Variants in RPS6KA3 observed in about 807,000 individuals in gnomAD.
RPS6KA3 encodes ribosomal protein S6 kinase A3.
Under a neutral mutation model 67.2 loss-of-function variants are expected in RPS6KA3, and 4 were observed. That is an observed-to-expected ratio of 0.06 (90% CI 0.03 to 0.14). The LOEUF (loss-of-function observed/expected upper bound fraction) is 0.14, where lower values mean the gene tolerates loss of function less well. Among genes scored for constraint, RPS6KA3 ranks in the 10% least tolerant of loss-of-function variants. The probability of loss-of-function intolerance (pLI) is 1.00; values close to 1 mark genes in which losing one functional copy is unlikely to be tolerated. For synonymous variants in RPS6KA3, 182 were observed against 183.7 expected, an observed-to-expected ratio of 0.99 and a Z score of 0.07; for missense variants, 204 against 559.0, an observed-to-expected ratio of 0.36 and a Z score of 6.40.
At chrX:20,230,785 C>G (rs1347853161) in intron 2 of RPS6KA3, among the ~76,000 whole-genome samples, 2 of 111,206 alleles carry the variant, frequency 1.8e-5, no homozygotes, top group East Asian at 5.6e-4. Flanking sequence ...AAAGTTAACA[C>G]TCCTAAGATG....
At chrX:20,264,940 C>T (rs1423261477) in intron 1 of RPS6KA3, among the ~76,000 whole-genome samples, 1 of 112,329 alleles carries the variant, frequency 8.9e-6, no homozygotes, top group Non-Finnish European at 1.9e-5. Context: ...CTGTTTTTCA[C>T]ACTACCCATC....
At chrX:20,249,723 C>T (rs1220257470) in intron 1 of RPS6KA3, among the ~76,000 whole-genome samples, 1 of 112,182 alleles carries the variant, frequency 8.9e-6, no homozygotes, top group East Asian at 2.8e-4. Flanking sequence ...GGTTCATACC[C>T]TTCGCAGAGT....
At chrX:20,187,995 T>C in intron 8 of RPS6KA3, 25 bp from the exon 9 acceptor site, 2 of 1,186,488 alleles carry the variant, frequency 1.7e-6, no homozygotes, top group Non-Finnish European at 2.3e-6. Flanking sequence ...ATCATAAATA[T>C]CCTACATAAA....
At chrX:20,187,119 G>A (rs1462933739) in intron 9 of RPS6KA3, among the ~76,000 whole-genome samples, 1 of 111,954 alleles carries the variant, frequency 8.9e-6, no homozygotes, top group African/African-American at 3.2e-5. Context: ...GTTTCACCAT[G>A]TTGGCCAGGC....
intron 6 of RPS6KA3, 93 bp downstream of exon 6, chrX:20,194,096 G>T: frequency 1.7e-6 from 1 of 572,783 alleles, no homozygotes; most frequent in Non-Finnish European, 2.9e-6. Context: ...TGCCACTAGA[G>T]AAAATACAGT....
At chrX:20,178,307 T>A (rs996671758) in intron 10 of RPS6KA3, among the ~76,000 whole-genome samples, 1 of 111,428 alleles carries the variant, frequency 9.0e-6, no homozygotes, top group Non-Finnish European at 1.9e-5. Context: ...ATTTGGCTAG[T>A]GTTTCCCCAA....
chrX:20,231,775 A>T (rs935872506), intron 2 of RPS6KA3, among the ~76,000 whole-genome samples: 8 of 111,636 alleles, frequency 7.2e-5, no homozygotes, highest in African/African-American at 2.0e-4. Flanking sequence ...ATTTAGACAC[A>T]GACACAAACA....
At chrX:20,256,897 AC>A (rs779274994) in intron 1 of RPS6KA3, among the ~76,000 whole-genome samples, 1 of 111,698 alleles carries the variant, frequency 9.0e-6, no homozygotes, top group South Asian at 3.7e-4. Flanking sequence ...CACAATAGCT[AC>A]CCATGTAAAC....
At chrX:20,229,811 A>G (rs1210078952) in intron 2 of RPS6KA3, among the ~76,000 whole-genome samples, 1 of 111,938 alleles carries the variant, frequency 8.9e-6, no homozygotes, top group Non-Finnish European at 1.9e-5. Flanking sequence ...ATCTGGAATG[A>G]TCTGCTCAAC....
At chrX:20,227,513 T>C (rs1257744994) in intron 2 of RPS6KA3, among the ~76,000 whole-genome samples, 1 of 111,475 alleles carries the variant, frequency 9.0e-6, no homozygotes, top group Non-Finnish European at 1.9e-5. Flanking sequence ...ATCTTTTATA[T>C]AGGATTAAAA....
rs960834080 is a variant in RPS6KA3, at chrX:20,156,008, G to T, written c.2100+101C>A. ...GTAAGAGAATCCCACAACAGAACTG[G>T]ATGCAGGATGAAAGAGAAAGGTGCT... On this transcript the variant is annotated intron_variant, in intron 21 of 21. Coordinates refer to ENST00000379565, the MANE Select transcript of RPS6KA3 (RefSeq NM_004586.3). 4.5e-6 allele frequency: 4 copies of T among 896,062 alleles called. No individual in the cohort carries two copies. In the African/African-American group the frequency reaches 7.9e-5, roughly 18 times the overall value. The allele number at this position is 896,062 out of a possible 1,213,427, so 73.8% of individuals were successfully genotyped here. A position where few individuals can be genotyped will look rare whatever the true frequency, so the allele number is the denominator to read the frequency against.
At chrX:20,222,859 C>A (rs1191065344) in intron 2 of RPS6KA3, among the ~76,000 whole-genome samples, 1 of 111,580 alleles carries the variant, frequency 9.0e-6, no homozygotes. Flanking sequence ...TCCAAACTTC[C>A]CATCGTCTAC....
chrX:20,259,852 T>A (rs1242156723), intron 1 of RPS6KA3, among the ~76,000 whole-genome samples: 1 of 111,391 alleles, frequency 9.0e-6, no homozygotes, highest in Non-Finnish European at 1.9e-5. Flanking sequence ...ACTACCTTAT[T>A]TTTTGGAGGG....
At chrX:20,171,498 T>C (rs777952005) in intron 15 of RPS6KA3, among the ~76,000 whole-genome samples, 21 of 111,268 alleles carry the variant, frequency 1.9e-4, no homozygotes, top group Non-Finnish European at 3.4e-4. Flanking sequence ...GAGGGGTCGT[T>C]TTTGGCATGG....
At chrX:20,256,778 C>A (rs2070080193) in intron 1 of RPS6KA3, among the ~76,000 whole-genome samples, 1 of 112,001 alleles carries the variant, frequency 8.9e-6, no homozygotes, top group Non-Finnish European at 1.9e-5. Flanking sequence ...GCCAGGATCA[C>A]ATCATCTCTA....
At chrX:20,187,618 A>AT (rs1470276787) in intron 9 of RPS6KA3, among the ~76,000 whole-genome samples, 152 of 110,741 alleles carry the variant, frequency 1.4e-3, no homozygotes, top group African/African-American at 4.1e-3. Flanking sequence ...CTATGGTAAT[A>AT]TTTTTTTTTG....
chrX:20,177,214 A>C (rs1358164609), intron 10 of RPS6KA3, 130 bp from the exon 11 acceptor site: 31 of 503,532 alleles, frequency 6.2e-5, no homozygotes, highest in Middle Eastern at 5.7e-4. Flanking sequence ...ATACAGAGAG[A>C]TCCCCTGTGC....
chrX:20,188,545 CAAAG>C lies in RPS6KA3; in HGVS notation c.594-15_594-12del. On this transcript the variant is annotated splice_polypyrimidine_tract_variant and intron_variant, in intron 7 of 21. Coordinates refer to ENST00000379565, the MANE Select transcript of RPS6KA3 (RefSeq NM_004586.3). ...TCATCAAGAAGTATACTGAAAAAAA[CAAAG>C]AAAATCTTTTAAGAACACTAAATAG... 2.1e-6 allele frequency: 2 copies of C among 932,660 alleles called. No individual in the cohort carries two copies. The highest frequency in any genetic ancestry group is 1.9e-5 in the African/African-American group (1 of 51,953). 76.9% of individuals were successfully genotyped at this position (932,660 alleles called of 1,213,427 possible).
intron 6 of RPS6KA3, 55 bp downstream of exon 6, chrX:20,194,134 T>G (rs1222352600): frequency 1.3e-6 from 1 of 743,777 alleles, no homozygotes; most frequent in Non-Finnish European, 2.1e-6. Flanking sequence ...ATAACAAAGC[T>G]TTAGTTCAAA....
Sources: gnomAD v4.1 joint callset for allele counts (sites outside exome capture counted in the v4.1 genomes callset) on GRCh38, gnomAD v4.1.1 for gene constraint, MANE v1.5 for transcripts, NCBI Gene and HGNC (gene_info 2026-07-23, HGNC 2026-07-21) for gene names.